CSPP1: variants seen among roughly 807,000 people sequenced by gnomAD.
CSPP1 encodes centrosome and spindle pole associated protein 1, also known as centrosome and spindle pole-associated protein 1.
A neutral mutation model predicts 164.4 loss-of-function variants in CSPP1; 126 were observed. The observed-to-expected ratio is 0.77, with a 90% CI of 0.66 to 0.89. CSPP1 has a LOEUF of 0.89. CSPP1 is among the 40% of genes least tolerant of loss of function. The pLI is 0.00. For synonymous variants in CSPP1, 472 were observed against 476.7 expected (o/e 0.99, Z 0.13); for missense variants, 1,395 against 1,449.8 (o/e 0.96, Z 0.61).
intron 7 of CSPP1, among the ~76,000 whole-genome samples, chr8:67,097,949 A>C (rs6984568): frequency 0.13 from 19,322 of 151,704 alleles, 2,446 homozygotes; most frequent in African/African-American, 0.33. Flanking sequence ...GTTTTTATAT[A>C]AACTCTGACA....
intron 7 of CSPP1, among the ~76,000 whole-genome samples, chr8:67,098,509 A>G (rs1813320415): frequency 6.6e-6 from 1 of 151,910 alleles, no homozygotes; most frequent in African/African-American, 2.4e-5. Flanking sequence ...AACTCATATC[A>G]TGAAATCACT....
intron 7 of CSPP1, among the ~76,000 whole-genome samples, chr8:67,102,806 A>G (rs1035668628): frequency 1.3e-5 from 2 of 152,254 alleles, no homozygotes; most frequent in African/African-American, 2.4e-5. Context: ...TAGCAAGTAC[A>G]TTAAAATAAC....
chr8:67,186,971 A>ATCTATCTG (rs1427873221), intron 28 of CSPP1, among the ~76,000 whole-genome samples: 4 of 32,114 alleles, frequency 1.2e-4, no homozygotes, highest in Admixed American at 3.0e-4. Context: ...TCTATCTATC[A>ATCTATCTG]TCTATCTATC....
chr8:67,070,577 A>G (rs1290798751), intron 1 of CSPP1, among the ~76,000 whole-genome samples: 1 of 151,818 alleles, frequency 6.6e-6, no homozygotes, highest in Admixed American at 6.6e-5. Context: ...CAAAGTTACA[A>G]TGAACTATGA....
chr8:67,087,511 C>G (rs898103833), intron 4 of CSPP1, among the ~76,000 whole-genome samples: 1 of 152,104 alleles, frequency 6.6e-6, no homozygotes, highest in Non-Finnish European at 1.5e-5. Context: ...CAAGATAGTC[C>G]TCATAGTGGG....
intron 13 of CSPP1, among the ~76,000 whole-genome samples, chr8:67,116,533 T>A (rs1424451253): frequency 6.6e-6 from 1 of 152,234 alleles, no homozygotes; most frequent in Non-Finnish European, 1.5e-5. Flanking sequence ...TATAATTTTA[T>A]TTTAGCTTCT....
chr8:67,118,144 G>A (rs1818286636), intron 13 of CSPP1, 104 bp from the exon 14 acceptor site: 1 of 1,190,538 alleles, frequency 8.4e-7, no homozygotes. Context: ...TTCTAAAGTA[G>A]TGATAGGATT....
chr8:67,186,459 C>T (rs1834619722), intron 28 of CSPP1, among the ~76,000 whole-genome samples: 1 of 150,938 alleles, frequency 6.6e-6, no homozygotes, highest in Non-Finnish European at 1.5e-5. Flanking sequence ...ATGAACAACT[C>T]TATGCCCACA....
rs769110390 is a variant in CSPP1, at chr8:67,118,836, A to G, written c.1697+15A>G. On this transcript the variant is annotated intron_variant, in intron 15 of 30. Coordinates refer to ENST00000678616, the MANE Select transcript of CSPP1 (RefSeq NM_001382391.1). ...CAACCTGTTGTGTAAGTTATTAGTT[A>G]AAAGAATAATTTTTTCCCCACTTTT... 2 of 1,573,314 alleles carry G rather than the reference A, an allele frequency of 1.3e-6. No individual in the cohort carries two copies. The highest frequency in any genetic ancestry group is 1.7e-5 in the Admixed American group (1 of 59,690).
chr8:67,082,289 A>G (rs1205585345), intron 3 of CSPP1, among the ~76,000 whole-genome samples: 1 of 152,134 alleles, frequency 6.6e-6, no homozygotes, highest in Non-Finnish European at 1.5e-5. Context: ...ACCTCAAGTA[A>G]TCCACCCACC....
At chr8:67,114,571 T>A (rs373437419) in intron 12 of CSPP1, 2 of 152,466 alleles carry the variant, frequency 1.3e-5, no homozygotes, top group African/African-American at 4.8e-5. Flanking sequence ...ATGCTGAGAA[T>A]ATATCCTGTG....
At position 67,064,398 on chromosome 8, in the gene CSPP1, C is replaced by T. The variant is rs1805059660; in HGVS notation, c.-151C>T. The stretch of plus-strand genomic sequence containing the variant: ...GCGGAGCCCCGGCCCGGAGGTCTGT[C>T]ATGCTGTTCCCGCTCCAGGTGGCCG... On this transcript the variant is annotated 5_prime_UTR_variant, in exon 1 of 31. Transcript: ENST00000678616. 4 of 1,613,336 alleles carry T rather than the reference C, an allele frequency of 2.5e-6. No homozygotes were observed. The highest frequency in any genetic ancestry group is 2.2e-5 in the South Asian group (2 of 91,028).
intron 30 of CSPP1, among the ~76,000 whole-genome samples, chr8:67,193,827 A>C (rs527876715): frequency 1.2e-4 from 18 of 152,362 alleles, no homozygotes; most frequent in Admixed American, 5.2e-4. Context: ...GTGGAGTCTA[A>C]ACAGGTAAAA....
Position 67,118,324 on chromosome 8 carries a change from T to C in CSPP1, c.1573T>C (p.Tyr525His). The change falls in exon 14 of 31, where the codon TAT (tyrosine) becomes CAT (histidine). Residue 525 changes from tyrosine (Y) to histidine (H), a missense_variant. By Grantham distance (83) the Tyr-to-His change is moderately conservative. Coordinates refer to ENST00000678616, the MANE Select transcript of CSPP1 (RefSeq NM_001382391.1). Reference protein sequence around the residue: ...NYRTPYDDAYYFYGSRNTFDP... With the variant: ...NYRTPYDDAYHFYGSRNTFDP... ...TCGAACTCCTTATGATGATGCATAC[T>C]ATTTTTATGGGTCCAGGAATACTTT... The C allele has an allele frequency of 6.2e-7, 1 of 1,613,592 alleles. No homozygotes were observed. Among genetic ancestry groups the C allele is most frequent in the Non-Finnish European group, 8.5e-7 (1 of 1,179,544 alleles).
intron 23 of CSPP1, 73 bp downstream of exon 23, chr8:67,163,871 C>A: frequency 8.1e-7 from 1 of 1,236,170 alleles, no homozygotes; most frequent in South Asian, 1.3e-5. Flanking sequence ...TAATTATAAA[C>A]TCATAGAAAA....
intron 1 of CSPP1, among the ~76,000 whole-genome samples, chr8:67,067,984 G>A (rs1285425695): frequency 3.3e-5 from 5 of 151,814 alleles, no homozygotes; most frequent in East Asian, 1.9e-4. Flanking sequence ...TGAGTAGCTG[G>A]GACTACAGAG....
intron 11 of CSPP1, 167 bp from the exon 12 acceptor site, chr8:67,114,162 A>G (rs772898976): frequency 1.6e-4 from 34 of 214,224 alleles, no homozygotes; most frequent in Non-Finnish European, 2.6e-4. Context: ...ATTGATGTTA[A>G]TATTTTTCTT....
At chr8:67,083,897 TC>T (rs891762678) in intron 3 of CSPP1, 1 of 152,096 alleles carries the variant, frequency 6.6e-6, no homozygotes, top group Non-Finnish European at 1.5e-5. Context: ...AGTATATTGT[TC>T]CCCCTCACCT....
intron 1 of CSPP1, among the ~76,000 whole-genome samples, chr8:67,068,025 T>A (rs1427190158): frequency 6.6e-6 from 1 of 152,074 alleles, no homozygotes; most frequent in Non-Finnish European, 1.5e-5. Flanking sequence ...AATTTTTGTA[T>A]TTTTAGTGGA....
Sources: gnomAD v4.1 joint callset for allele counts (sites outside exome capture counted in the v4.1 genomes callset) on GRCh38, gnomAD v4.1.1 for gene constraint, MANE v1.5 for transcripts, NCBI Gene and HGNC (gene_info 2026-07-23, HGNC 2026-07-21) for gene names.